Variants in AOPEP observed in about 807,000 individuals in gnomAD.
AOPEP encodes aminopeptidase O (putative), also known as aminopeptidase O.
In AOPEP, 77 loss-of-function variants were observed where a neutral mutation model predicts 98.1. The ratio of observed to expected loss-of-function variants is 0.78; its 90% CI spans 0.65 to 0.95. The LOEUF (loss-of-function observed/expected upper bound fraction) is 0.95. AOPEP is among the 40% of genes least tolerant of loss of function. The pLI, the probability that AOPEP is intolerant of heterozygous loss-of-function variation, is 0.00. For missense variants in AOPEP, 1,024 were observed against 1,024.7 expected (o/e 1.00, Z 0.01); for synonymous variants, 346 against 365.3 (o/e 0.95, Z 0.60).
chr9:94,888,034 C>T (rs1238025218), intron 5 of AOPEP, among the ~76,000 whole-genome samples: 1 of 152,076 alleles, frequency 6.6e-6, no homozygotes, highest in Non-Finnish European at 1.5e-5. Flanking sequence ...TAAACTTTCA[C>T]CTTTTTATCC....
chr9:95,056,421 AT>A (rs1255971031), intron 13 of AOPEP: 1 of 152,362 alleles, frequency 6.6e-6, no homozygotes, highest in African/African-American at 2.4e-5. Context: ...GTCATGGGAC[AT>A]GTCCGTGGCA....
chr9:95,008,205 C>A (rs1404353283), intron 13 of AOPEP, among the ~76,000 whole-genome samples: 1 of 152,204 alleles, frequency 6.6e-6, no homozygotes, highest in Non-Finnish European at 1.5e-5. Flanking sequence ...ATTGCCCTTG[C>A]CTCCAGCCCC....
chr9:95,134,856 G>A, the AOPEP span, among the ~76,000 whole-genome samples: 15 of 152,258 alleles, frequency 9.9e-5, no homozygotes, highest in African/African-American at 3.4e-4. Context: ...AGGGGAGGGT[G>A]AAGGCAGGTG....
chr9:94,881,520 G>A (rs2047584890), intron 5 of AOPEP, among the ~76,000 whole-genome samples: 1 of 152,162 alleles, frequency 6.6e-6, no homozygotes, highest in Admixed American at 6.5e-5. Context: ...AAGCTTGGTA[G>A]TCTTTTGGGT....
At chr9:94,836,941 A>T (rs527659652) in intron 5 of AOPEP, among the ~76,000 whole-genome samples, 104 of 152,230 alleles carry the variant, frequency 6.8e-4, no homozygotes, top group South Asian at 6.2e-4. Context: ...TTTTAAAAAA[A>T]TTTTTTATGA....
intron 5 of AOPEP, among the ~76,000 whole-genome samples, chr9:94,912,704 G>A (rs2052244694): frequency 6.6e-6 from 1 of 152,216 alleles, no homozygotes; most frequent in Non-Finnish European, 1.5e-5. Context: ...GGGAAAAGTT[G>A]CTTTCCTGAT....
intron 3 of AOPEP, among the ~76,000 whole-genome samples, chr9:94,778,218 A>G (rs977979380): frequency 6.6e-6 from 1 of 152,154 alleles, no homozygotes; most frequent in Non-Finnish European, 1.5e-5. Context: ...GAATGCAACC[A>G]CTTTGGAAAT....
At chr9:95,124,952 C>T in the AOPEP span, 3 of 761,328 alleles carry the variant, frequency 3.9e-6, no homozygotes, top group Non-Finnish European at 6.8e-6. Context: ...TTTGTTGGGG[C>T]ACTCATTAGG....
intron 7 of AOPEP, among the ~76,000 whole-genome samples, chr9:94,937,661 TATCATTATGACTC>T (rs569283402): frequency 1.3e-5 from 2 of 152,300 alleles, no homozygotes; most frequent in South Asian, 2.1e-4. Flanking sequence ...CATAATTCCA[TATCATTATGACTC>T]ATCATTATGA....
intron 16 of AOPEP, chr9:95,086,243 G>C: frequency 8.1e-7 from 1 of 1,242,100 alleles, no homozygotes. Flanking sequence ...CTCCTGCGGC[G>C]TGGGGGTTTG....
At chr9:95,050,400 C>G (rs962128298) in intron 13 of AOPEP, among the ~76,000 whole-genome samples, 3 of 152,146 alleles carry the variant, frequency 2.0e-5, no homozygotes, top group African/African-American at 4.8e-5. Flanking sequence ...CCTCATAACA[C>G]TTTTCACAGT....
chr9:95,089,618 C>T (rs557254295), downstream of AOPEP, among the ~76,000 whole-genome samples: 6 of 152,328 alleles, frequency 3.9e-5, no homozygotes, highest in African/African-American at 1.2e-4. Flanking sequence ...TTGTCACACT[C>T]AGCAGCCAAG....
In AOPEP at chr9:94,972,583, T is replaced by A. The variant is rs78812260; in HGVS notation, c.1916+4782T>A. Among the ~76,000 whole-genome samples the A allele has an allele frequency of 0.011, 1,615 of 152,280 alleles. 32 individuals are homozygous for A. The highest frequency in any genetic ancestry group is 0.037 in the African/African-American group (1,556 of 41,538). Reference sequence around the variant, plus strand: ...CCCACGGAGCTACACAGTACTTGTTTTATAAGTGTGACCTCAGCAATCTTT... The same window carrying A: ...CCCACGGAGCTACACAGTACTTGTTATATAAGTGTGACCTCAGCAATCTTT... On this transcript the variant is annotated intron_variant, in intron 10 of 16. Coordinates refer to ENST00000375315, the MANE Select transcript of AOPEP (RefSeq NM_001193329.3). This position sits in a 1 kb window ranked among gnomAD's most constrained non-coding sequence, Gnocchi z 4.2.
chr9:94,890,241 C>G (rs1312303965), intron 5 of AOPEP, among the ~76,000 whole-genome samples: 4 of 150,682 alleles, frequency 2.7e-5, no homozygotes, highest in Non-Finnish European at 5.9e-5. Flanking sequence ...CTTGCTCTGT[C>G]ACCCAGGCTG....
chr9:94,814,092 T>C (rs1270973841), intron 5 of AOPEP, among the ~76,000 whole-genome samples: 2 of 152,216 alleles, frequency 1.3e-5, no homozygotes, highest in Non-Finnish European at 2.9e-5. Flanking sequence ...TGTAGCAAGG[T>C]AGTCTGTTGG....
intron 5 of AOPEP, among the ~76,000 whole-genome samples, chr9:94,841,304 T>C (rs968969760): frequency 2.0e-5 from 3 of 152,116 alleles, no homozygotes. Flanking sequence ...CCTGAGTAGC[T>C]GGGACTACAG....
chr9:95,132,642 C>G, the AOPEP span, among the ~76,000 whole-genome samples: 2 of 152,176 alleles, frequency 1.3e-5, no homozygotes, highest in East Asian at 3.8e-4. Flanking sequence ...AAAGGGGAAG[C>G]CTCAAAAGTG....
At chr9:95,074,070 C>T (rs117578429) in intron 14 of AOPEP, among the ~76,000 whole-genome samples, 172 of 152,288 alleles carry the variant, frequency 1.1e-3, no homozygotes, top group Non-Finnish European at 1.5e-3. Context: ...CAGTTGGCTG[C>T]CATGAATGTG....
At chr9:94,993,229 C>T (rs992179497) in intron 11 of AOPEP, among the ~76,000 whole-genome samples, 1 of 152,002 alleles carries the variant, frequency 6.6e-6, no homozygotes, top group Non-Finnish European at 1.5e-5. Context: ...TAGACAGGGA[C>T]AATTATTATT....
Sources: allele counts gnomAD v4.1 joint callset (sites outside exome capture counted in the v4.1 genomes callset), GRCh38; gene constraint gnomAD v4.1.1; non-coding constraint Gnocchi (gnomAD v3.1); transcripts MANE v1.5; gene names NCBI Gene and HGNC (gene_info 2026-07-23, HGNC 2026-07-21).